Variants in SLC44A5 observed in about 807,000 individuals in gnomAD.
SLC44A5 encodes choline transporter-like protein 5.
In SLC44A5, 57 loss-of-function variants were observed where a neutral mutation model predicts 101.8. That is an observed-to-expected ratio of 0.56 (90% CI 0.45 to 0.70). SLC44A5 has a LOEUF of 0.70. SLC44A5 is among the 30% of genes least tolerant of loss of function. The pLI is 0.00. For synonymous variants in SLC44A5, 281 were observed against 290.9 expected (o/e 0.97, Z 0.35); for missense variants, 737 against 853.1 (o/e 0.86, Z 1.70).
chr1:75,205,111 C>CT (rs1177942140), intron 23 of SLC44A5: 1 of 152,128 alleles, frequency 6.6e-6, no homozygotes, highest in African/African-American at 2.4e-5. Context: ...AGAATGTAAG[C>CT]CAAGAACAAG....
At chr1:75,549,445 C>T (rs1671821188) in intron 1 of SLC44A5, among the ~76,000 whole-genome samples, 2 of 152,146 alleles carry the variant, frequency 1.3e-5, no homozygotes, top group Non-Finnish European at 2.9e-5. Flanking sequence ...CTTCTTAGTA[C>T]ACCTCTATCA....
chr1:75,326,794 A>G (rs1258803449), intron 4 of SLC44A5, among the ~76,000 whole-genome samples: 1 of 152,130 alleles, frequency 6.6e-6, no homozygotes, highest in Admixed American at 6.6e-5. Flanking sequence ...ATCCATATGG[A>G]GAAGATGGCT....
chr1:75,308,268 C>T (rs1056570495), intron 4 of SLC44A5, among the ~76,000 whole-genome samples: 1 of 152,114 alleles, frequency 6.6e-6, no homozygotes, highest in Admixed American at 6.5e-5. Flanking sequence ...ATCTTAAAAG[C>T]TTCTCTATCT....
chr1:75,632,881 T>A, the SLC44A5 span, among the ~76,000 whole-genome samples: 1 of 152,186 alleles, frequency 6.6e-6, no homozygotes, highest in Non-Finnish European at 1.5e-5. Flanking sequence ...TGAGGCTAAA[T>A]CAATTAGTGT....
chr1:75,438,294 T>G (rs1046259468), intron 2 of SLC44A5, among the ~76,000 whole-genome samples: 2 of 151,930 alleles, frequency 1.3e-5, no homozygotes, highest in Non-Finnish European at 2.9e-5. Flanking sequence ...CTGATTGGAG[T>G]GGTTTTCAGA....
At chr1:75,503,426 C>A (rs1159484579) in intron 2 of SLC44A5, among the ~76,000 whole-genome samples, 1 of 152,018 alleles carries the variant, frequency 6.6e-6, no homozygotes, top group Non-Finnish European at 1.5e-5. Context: ...TGTAACACTT[C>A]CCCCTTTGCT....
At chr1:75,578,574 C>A (rs1673506210) in intron 1 of SLC44A5, among the ~76,000 whole-genome samples, 1 of 152,078 alleles carries the variant, frequency 6.6e-6, no homozygotes, top group Non-Finnish European at 1.5e-5. Flanking sequence ...TATGTGGAAT[C>A]TAAAACAGTC....
chr1:75,592,943 T>C (rs1674432731), intron 1 of SLC44A5, among the ~76,000 whole-genome samples: 1 of 152,096 alleles, frequency 6.6e-6, no homozygotes, highest in African/African-American at 2.4e-5. Context: ...AAAAATTTCT[T>C]GAGCAATATC....
intron 7 of SLC44A5, among the ~76,000 whole-genome samples, chr1:75,247,007 T>C (rs667887): frequency 0.73 from 111,049 of 151,854 alleles, 40,776 homozygotes; most frequent in East Asian, 0.93. Context: ...TGGGAAGCTA[T>C]TGGGGCATTT....
chr1:75,281,577 C>T (rs1301729615), intron 5 of SLC44A5, among the ~76,000 whole-genome samples: 1 of 150,734 alleles, frequency 6.6e-6, no homozygotes, highest in African/African-American at 2.4e-5. Flanking sequence ...TGAAAGGCAG[C>T]CCCTCTGATC....
intron 6 of SLC44A5, among the ~76,000 whole-genome samples, chr1:75,259,726 C>T (rs1013204361): frequency 1.3e-5 from 2 of 151,988 alleles, no homozygotes; most frequent in African/African-American, 4.8e-5. Context: ...GACACACAAT[C>T]ATCAGATTCA....
intron 19 of SLC44A5, among the ~76,000 whole-genome samples, 192 bp from the exon 20 acceptor site, chr1:75,214,870 A>G (rs1570372053): frequency 6.6e-6 from 1 of 152,172 alleles, no homozygotes; most frequent in African/African-American, 2.4e-5. Context: ...TGTCATTGAC[A>G]GTCAGGTGTG....
At chr1:75,517,288 T>C (rs1248863368) in intron 2 of SLC44A5, among the ~76,000 whole-genome samples, 1 of 151,236 alleles carries the variant, frequency 6.6e-6, no homozygotes, top group Non-Finnish European at 1.5e-5. Context: ...GTGAAACACA[T>C]ATTAAATAAA....
intron 3 of SLC44A5, among the ~76,000 whole-genome samples, chr1:75,386,819 G>T (rs535633017): frequency 4.6e-5 from 7 of 152,036 alleles, no homozygotes; most frequent in African/African-American, 7.2e-5. Flanking sequence ...ATACTACAAG[G>T]CTACAGTAAG....
intron 5 of SLC44A5, among the ~76,000 whole-genome samples, chr1:75,281,122 G>T (rs77173894): frequency 0.062 from 9,481 of 152,138 alleles, 1,009 homozygotes; most frequent in African/African-American, 0.22. Context: ...GACAGGTAGA[G>T]GTGGGAAAGT....
the SLC44A5 span, among the ~76,000 whole-genome samples, chr1:75,621,040 T>G: frequency 1.3e-5 from 2 of 152,130 alleles, no homozygotes; most frequent in African/African-American, 4.8e-5. Flanking sequence ...CCAGTTTCAG[T>G]TTTCTGTATA....
chr1:75,313,151 C>A (rs1262088724), intron 4 of SLC44A5, among the ~76,000 whole-genome samples: 1 of 152,134 alleles, frequency 6.6e-6, no homozygotes, highest in African/African-American at 2.4e-5. Flanking sequence ...CATCATCAGC[C>A]TCCCACACAT....
chr1:75,589,697 C>T (rs1000422625), intron 1 of SLC44A5, among the ~76,000 whole-genome samples: 9 of 152,168 alleles, frequency 5.9e-5, no homozygotes, highest in Non-Finnish European at 1.2e-4. Flanking sequence ...ACCAATGCCA[C>T]CCTGCCCCCA....
chr1:75,247,536 G>T (rs777834267), intron 7 of SLC44A5, among the ~76,000 whole-genome samples: 1 of 152,062 alleles, frequency 6.6e-6, no homozygotes, highest in Non-Finnish European at 1.5e-5. Context: ...AATGGACTAG[G>T]TGAGATCATC....
Sources: gnomAD v4.1 joint callset for allele counts (sites outside exome capture counted in the v4.1 genomes callset) on GRCh38, gnomAD v4.1.1 for gene constraint, MANE v1.5 for transcripts, NCBI Gene and HGNC (gene_info 2026-07-23, HGNC 2026-07-21) for gene names.